OPRM1: variants seen among roughly 807,000 people sequenced by gnomAD.
The protein encoded by OPRM1 is opioid receptor mu 1, also known as mu-type opioid receptor.
In OPRM1, 27 loss-of-function variants were observed where a neutral mutation model predicts 31.8. The observed-to-expected ratio is 0.85, with a 90% CI of 0.63 to 1.17. The LOEUF is 1.17. Among genes scored for constraint, OPRM1 ranks in the 50% most tolerant of loss-of-function variants. OPRM1 has a pLI of 0.00. For synonymous variants in OPRM1, 196 were observed against 189.9 expected (o/e 1.03, Z -0.26); for missense variants, 536 against 511.1 (o/e 1.05, Z -0.47).
intron 3 of OPRM1, among the ~76,000 whole-genome samples, chr6:154,230,583 C>T (rs932534741): frequency 3.3e-5 from 5 of 152,062 alleles, no homozygotes; most frequent in African/African-American, 9.7e-5. Flanking sequence ...ATGAGAGTGA[C>T]GTGTATTCCC....
chr6:154,111,806 G>A (rs1583596311), intron 3 of OPRM1, among the ~76,000 whole-genome samples: 2 of 151,690 alleles, frequency 1.3e-5, no homozygotes, highest in East Asian at 3.9e-4. Flanking sequence ...TCGCTCTGTC[G>A]CCCAGCTGGA....
chr6:154,216,714 A>C (rs940763340), intron 3 of OPRM1, among the ~76,000 whole-genome samples: 1 of 152,168 alleles, frequency 6.6e-6, no homozygotes, highest in African/African-American at 2.4e-5. Context: ...CCAAAAATAC[A>C]AAAATTAGCC....
chr6:154,213,835 G>A (rs932210733), intron 3 of OPRM1, among the ~76,000 whole-genome samples: 1 of 152,172 alleles, frequency 6.6e-6, no homozygotes, highest in Non-Finnish European at 1.5e-5. Context: ...ACACCTGGTG[G>A]AAATATTAAA....
intron 1 of OPRM1, among the ~76,000 whole-genome samples, chr6:154,069,786 C>T (rs619974): frequency 0.047 from 7,205 of 152,272 alleles, 328 homozygotes; most frequent in Admixed American, 0.15. Context: ...GTTTACTTAG[C>T]ACCTTTGTTG....
At chr6:154,058,464 A>C (rs1324226783) in intron 1 of OPRM1, among the ~76,000 whole-genome samples, 1 of 152,242 alleles carries the variant, frequency 6.6e-6, no homozygotes, top group Admixed American at 6.5e-5. Context: ...TTGTGTTTTC[A>C]GAACAATCAC....
intron 1 of OPRM1, among the ~76,000 whole-genome samples, chr6:154,023,984 T>C (rs563246942): frequency 6.6e-6 from 1 of 152,154 alleles, no homozygotes; most frequent in Admixed American, 6.5e-5. Context: ...TCATCAGAGG[T>C]CTTGGCCTAT....
chr6:154,147,767 A>T (rs920027128), intron 3 of OPRM1, among the ~76,000 whole-genome samples: 4 of 152,204 alleles, frequency 2.6e-5, no homozygotes, highest in Admixed American at 2.6e-4. Context: ...TTCTTACAGC[A>T]TCCTCTGGCA....
intron 3 of OPRM1, among the ~76,000 whole-genome samples, chr6:154,171,088 A>G (rs1372507421): frequency 6.6e-6 from 1 of 152,188 alleles, no homozygotes; most frequent in African/African-American, 2.4e-5. Context: ...GGAGTTTAGC[A>G]TGTGCCCCAG....
intron 3 of OPRM1, chr6:154,214,185 G>A (rs1282098215): frequency 7.2e-7 from 1 of 1,381,260 alleles, no homozygotes; most frequent in African/African-American, 1.4e-5. Context: ...TAATATTCTT[G>A]CTAAATTTTC....
intron 3 of OPRM1, chr6:154,160,177 C>T: frequency 1.4e-6 from 1 of 694,250 alleles, no homozygotes; most frequent in Non-Finnish European, 2.4e-6. Context: ...TGTTCTAATT[C>T]CAGCATTAAG....
Position 154,130,132 on chromosome 6 carries a change from T to A in OPRM1, c.*11411T>A, listed in dbSNP as rs893310480. 4.6e-5 allele frequency among the ~76,000 whole-genome samples: 7 copies of A among 151,732 alleles called. No individual in the cohort carries two copies. Among genetic ancestry groups the A allele is most frequent in the Non-Finnish European group, 1.0e-4 (7 of 67,952 alleles). The stretch of plus-strand genomic sequence containing the variant: ...TTTGAAATTTAAATTATTTTGTCTC[T>A]ACCCAAACCATCGATTTCATGGAAA... On this transcript the variant is annotated 3_prime_UTR_variant, in exon 4 of 4. Transcript: ENST00000330432.
At chr6:154,199,739 G>T (rs1776917631) in intron 3 of OPRM1, 3 of 1,614,050 alleles carry the variant, frequency 1.9e-6, no homozygotes, top group Admixed American at 3.3e-5. Context: ...ACTCAATGAA[G>T]AAGTATCATC....
rs542205365 is a variant in OPRM1, at chr6:154,222,853, T to C, written c.1165-23840T>C. 75 of 341,144 alleles carry C rather than the reference T, an allele frequency of 2.2e-4. 3 individuals carry two copies. Among genetic ancestry groups the C allele is most frequent in the South Asian group, 2.1e-3 (50 of 23,692 alleles). 21.1% of individuals were successfully genotyped at this position (341,144 alleles called of 1,614,324 possible). On this transcript the variant is annotated intron_variant, in intron 3 of 3. Transcript: ENST00000337049. ...ATTTAACTGCTTGTTTTTTCTTTAG[T>C]AGAACCGAAGCTTGACATCTGACCT...
intron 3 of OPRM1, among the ~76,000 whole-genome samples, chr6:154,160,978 A>C (rs1173471555): frequency 2.0e-5 from 3 of 152,036 alleles, no homozygotes; most frequent in African/African-American, 7.2e-5. Context: ...CTTACACCCA[A>C]GGCTCCTCAC....
intron 3 of OPRM1, among the ~76,000 whole-genome samples, chr6:154,198,843 A>C (rs1166865986): frequency 6.6e-6 from 1 of 152,204 alleles, no homozygotes; most frequent in African/African-American, 2.4e-5. Flanking sequence ...GAATTTAGCA[A>C]GTCAACTTTC....
chr6:154,172,441 C>T (rs1171183428), intron 3 of OPRM1, among the ~76,000 whole-genome samples: 1 of 152,194 alleles, frequency 6.6e-6, no homozygotes, highest in Non-Finnish European at 1.5e-5. Context: ...TACCCAAATA[C>T]TGTGCTTTTC....
chr6:154,237,335 T>C (rs529746381), intron 3 of OPRM1, among the ~76,000 whole-genome samples: 1 of 152,350 alleles, frequency 6.6e-6, no homozygotes, highest in Admixed American at 6.5e-5. Flanking sequence ...CAATGTCTTC[T>C]AGTCCATTCC....
chr6:154,193,404 G>C (rs147096412), intron 3 of OPRM1, among the ~76,000 whole-genome samples: 3 of 152,124 alleles, frequency 2.0e-5, no homozygotes, highest in African/African-American at 7.2e-5. Flanking sequence ...TACAAGTTGG[G>C]TACAGTATAT....
intron 3 of OPRM1, among the ~76,000 whole-genome samples, chr6:154,162,934 C>T (rs561761559): frequency 2.0e-5 from 3 of 152,320 alleles, no homozygotes; most frequent in Admixed American, 2.0e-4. Flanking sequence ...CCAATGCACA[C>T]CAAACCCGGT....
Sources: gnomAD v4.1 joint callset for allele counts (sites outside exome capture counted in the v4.1 genomes callset) on GRCh38, gnomAD v4.1.1 for gene constraint, MANE v1.5 for transcripts, NCBI Gene and HGNC (gene_info 2026-07-23, HGNC 2026-07-21) for gene names.